Variants in GABRA4 observed in about 807,000 individuals in gnomAD.
GABRA4 encodes gamma-aminobutyric acid type A receptor subunit alpha4, also known as gamma-aminobutyric acid receptor subunit alpha-4.
A neutral mutation model predicts 49.7 loss-of-function variants in GABRA4; 12 were observed. The observed-to-expected ratio is 0.24, with a 90% CI of 0.15 to 0.39. GABRA4 has a LOEUF of 0.39. Among genes scored for constraint, GABRA4 ranks in the 10% least tolerant of loss-of-function variants. The probability of loss-of-function intolerance (pLI) is 1.00; values close to 1 mark genes in which losing one functional copy is unlikely to be tolerated. For missense variants in GABRA4, 506 were observed against 686.0 expected, an observed-to-expected ratio of 0.74 and a Z score of 2.93; for synonymous variants, 288 against 240.2, an observed-to-expected ratio of 1.20 and a Z score of -1.84.
intron 8 of GABRA4, among the ~76,000 whole-genome samples, chr4:46,942,476 T>C (rs1388598631): frequency 3.9e-5 from 6 of 151,940 alleles, no homozygotes; most frequent in Non-Finnish European, 8.8e-5. Flanking sequence ...TATACAAAAA[T>C]TAGCCAGACG....
chr4:46,939,116 T>G (rs1270856182), intron 8 of GABRA4, among the ~76,000 whole-genome samples: 5 of 151,908 alleles, frequency 3.3e-5, no homozygotes, highest in Admixed American at 2.6e-4. Context: ...AAGATGCTGT[T>G]GATATTAGAA....
At chr4:46,986,291 A>G (rs1486748529) in intron 2 of GABRA4, among the ~76,000 whole-genome samples, 1 of 152,052 alleles carries the variant, frequency 6.6e-6, no homozygotes, top group Non-Finnish European at 1.5e-5. Flanking sequence ...GCACTCAATC[A>G]GACTTTCACA....
intron 8 of GABRA4, among the ~76,000 whole-genome samples, chr4:46,951,387 G>A (rs1416033979): frequency 6.6e-6 from 1 of 151,298 alleles, no homozygotes; most frequent in East Asian, 1.9e-4. Context: ...CAAATATTGG[G>A]TGCCAGGCCA....
At chr4:46,944,886 T>C (rs1721931528) in intron 8 of GABRA4, among the ~76,000 whole-genome samples, 1 of 151,970 alleles carries the variant, frequency 6.6e-6, no homozygotes, top group South Asian at 2.1e-4. Context: ...GCCTCAACAG[T>C]GTCTAACTGT....
chr4:46,962,878 TG>T (rs1722627787), intron 8 of GABRA4, among the ~76,000 whole-genome samples: 1 of 151,820 alleles, frequency 6.6e-6, no homozygotes, highest in Non-Finnish European at 1.5e-5. Context: ...CTTCAATAAA[TG>T]GTGCTGGGAA....
rs1345538658 is a variant in GABRA4 at position 46,919,903 on chromosome 4, C to A, written c.*8322G>T. The stretch of plus-strand genomic sequence containing the variant: ...TTTGCATGAAAACCGGATTCTCATT[C>A]AATTTACAATGAAGCTCCCTCAAAA... On this transcript the variant is annotated 3_prime_UTR_variant, in exon 9 of 9. Transcript: ENST00000264318. 1 of 151,622 alleles carries A rather than the reference C, an allele frequency of 6.6e-6. No individual in the cohort carries two copies. The highest frequency in any genetic ancestry group is 1.5e-5 in the Non-Finnish European group (1 of 67,624). The allele number at this position is 151,622 out of a possible 1,614,324, so 9.4% of individuals were successfully genotyped here.
intron 8 of GABRA4, among the ~76,000 whole-genome samples, chr4:46,961,124 A>G (rs1722558558): frequency 6.6e-6 from 1 of 151,930 alleles, no homozygotes; most frequent in Non-Finnish European, 1.5e-5. Context: ...CAAAATCGTG[A>G]TGAAATTGAT....
In GABRA4 at chr4:46,971,159, C is replaced by A. The variant is rs541280213; in HGVS notation, c.798G>T (p.Pro266=). 1.2e-4 allele frequency: 191 copies of A among 1,608,926 alleles called. 1 individual carries two copies. The highest frequency in any genetic ancestry group is 5.4e-4 in the Admixed American group (32 of 59,670). ...GAGAAAGAATCACTGTCATAATGCA[C>A]GGAATATAGGTCTGAATCATAAAAT... ...MGYFMIQTYI[P]CIMTVILSQV... The change falls in exon 7 of 9, where the codon CCG becomes CCT. Residue 266 remains proline, a synonymous_variant. Coordinates refer to ENST00000264318, the MANE Select transcript of GABRA4 (RefSeq NM_000809.4).
chr4:46,963,452 T>G (rs551825057), intron 8 of GABRA4, among the ~76,000 whole-genome samples: 1 of 151,762 alleles, frequency 6.6e-6, no homozygotes, highest in Non-Finnish European at 1.5e-5. Context: ...TCTCACCAGA[T>G]CTGATGGGCT....
intron 2 of GABRA4, among the ~76,000 whole-genome samples, chr4:46,981,645 C>T (rs181264330): frequency 1.2e-3 from 181 of 152,136 alleles, no homozygotes; most frequent in Non-Finnish European, 2.0e-3. Context: ...TCAGGAATTC[C>T]CTGACTCAAA....
In GABRA4 at chr4:46,977,394, TA is replaced by T. The variant is rs556551383; in HGVS notation, c.494+15del. 1.4e-4 allele frequency: 177 copies of T among 1,308,164 alleles called. No homozygotes were observed. The highest frequency in any genetic ancestry group is 3.9e-4 in the African/African-American group (26 of 66,072). 81.0% of individuals were successfully genotyped at this position (1,308,164 alleles called of 1,614,324 possible). A position where few individuals can be genotyped will look rare whatever the true frequency, so the allele number is the denominator to read the frequency against. On this transcript the variant is annotated intron_variant, in intron 4 of 8. Transcript: ENST00000264318. ...AAGAATAAAAAAGGAAGGGAAGAAG[TA>T]AAAAAAAATATTACCTCATTGTGTA...
rs566126157 is a variant in GABRA4, at chr4:46,939,630, G to C, written c.1135-10875C>G. Reference sequence around the variant, plus strand: ...CATGGAATTAAAAATACATGCTTATGAGATTTTTTTAAAAACAGAAAAAAG... The same window carrying C: ...CATGGAATTAAAAATACATGCTTATCAGATTTTTTTAAAAACAGAAAAAAG... On this transcript the variant is annotated intron_variant, in intron 8 of 8. Coordinates refer to ENST00000264318, the MANE Select transcript of GABRA4 (RefSeq NM_000809.4). Among the ~76,000 whole-genome samples, 208 of 152,030 alleles carry C rather than the reference G, an allele frequency of 1.4e-3. 7 individuals are homozygous for C. In the South Asian group the frequency reaches 0.038, roughly 28 times the overall value.
chr4:46,951,535 T>C (rs1203177042), intron 8 of GABRA4, among the ~76,000 whole-genome samples: 1 of 151,804 alleles, frequency 6.6e-6, no homozygotes, highest in African/African-American at 2.4e-5. Flanking sequence ...AGAGTTGACT[T>C]TCTGCTTTTT....
At chr4:46,930,396 T>C (rs371757357) in intron 8 of GABRA4, among the ~76,000 whole-genome samples, 2 of 152,146 alleles carry the variant, frequency 1.3e-5, no homozygotes, top group African/African-American at 2.4e-5. Context: ...CTGATTATCA[T>C]TGATCCTAAA....
At chr4:46,947,979 T>C (rs1262089809) in intron 8 of GABRA4, among the ~76,000 whole-genome samples, 2 of 152,114 alleles carry the variant, frequency 1.3e-5, no homozygotes, top group African/African-American at 4.8e-5. Flanking sequence ...GGCCTGGCAG[T>C]TGAGGCTGGG....
intron 6 of GABRA4, among the ~76,000 whole-genome samples, chr4:46,973,687 C>G (rs1248781016): frequency 6.6e-6 from 1 of 151,732 alleles, no homozygotes; most frequent in African/African-American, 2.4e-5. Flanking sequence ...ATAATTCTTC[C>G]TATTCACATT....
intron 8 of GABRA4, among the ~76,000 whole-genome samples, chr4:46,942,946 T>C (rs752637256): frequency 5.3e-5 from 8 of 152,150 alleles, no homozygotes; most frequent in African/African-American, 1.4e-4. Flanking sequence ...TCTAGACGCA[T>C]ATAGCCAGCA....
In GABRA4 at chr4:46,963,108, GT is replaced by G. The variant is rs1223934800; in HGVS notation, c.1134+1861del. ...CAATGGACAGAAGGGATCACATCAA[GT>G]TAAAAAGCTTCTGCACAGCCAAGTA... On this transcript the variant is annotated intron_variant, in intron 8 of 8. Transcript: ENST00000264318. Among the ~76,000 whole-genome samples, 14 of 151,906 alleles carry G rather than the reference GT, an allele frequency of 9.2e-5. No homozygotes were observed. The East Asian group carries it at 2.7e-3, about 30-fold the overall frequency.
At chr4:46,978,987 T>C in intron 3 of GABRA4, 44 bp downstream of exon 3, 1 of 1,269,548 alleles carries the variant, frequency 7.9e-7, no homozygotes, top group South Asian at 1.2e-5. Flanking sequence ...TCTACATGTT[T>C]TCTTCAAGTC....
Sources: gnomAD v4.1 joint callset for allele counts (sites outside exome capture counted in the v4.1 genomes callset) on GRCh38, gnomAD v4.1.1 for gene constraint, MANE v1.5 for transcripts, NCBI Gene and HGNC (gene_info 2026-07-23, HGNC 2026-07-21) for gene names.